Variants in RBM6 observed in about 807,000 individuals in gnomAD.
The protein encoded by RBM6 is RNA-binding protein 6.
Under a neutral mutation model 140.4 loss-of-function variants are expected in RBM6, and 23 were observed. That is an observed-to-expected ratio of 0.16 (90% CI 0.12 to 0.23). RBM6 has a LOEUF of 0.23. Among genes scored for constraint, RBM6 ranks in the 10% least tolerant of loss-of-function variants. RBM6 has a pLI of 1.00. For missense variants in RBM6, 1,139 were observed against 1,386.7 expected (o/e 0.82, Z 2.84); for synonymous variants, 439 against 475.6 (o/e 0.92, Z 1.00).
At chr3:50,039,899 T>C (rs888420830) in intron 6 of RBM6, among the ~76,000 whole-genome samples, 6 of 152,204 alleles carry the variant, frequency 3.9e-5, no homozygotes, top group Admixed American at 3.9e-4. Context: ...CTCTTTGTTT[T>C]TGCCGCAAAT....
chr3:50,066,831 A>AAAAAC (rs60655677), intron 17 of RBM6, among the ~76,000 whole-genome samples: 74 of 149,710 alleles, frequency 4.9e-4, no homozygotes, highest in African/African-American at 1.3e-3. Context: ...CCATCTCTTA[A>AAAAAC]AAAACAAAAC....
At chr3:50,038,676 A>C (rs757732869) in intron 6 of RBM6, among the ~76,000 whole-genome samples, 15 of 151,912 alleles carry the variant, frequency 9.9e-5, no homozygotes, top group Non-Finnish European at 2.2e-4. Context: ...CTAAAAATAC[A>C]AAAAAAATCA....
intron 1 of RBM6, among the ~76,000 whole-genome samples, chr3:49,944,618 G>A: frequency 6.6e-6 from 1 of 151,254 alleles, no homozygotes; most frequent in East Asian, 2.0e-4. Context: ...TGGGATTACA[G>A]ATGTGCGCCA....
rs762254968 is a variant in RBM6, at chr3:49,968,344, G to A, written c.919G>A (p.Gly307Ser). 2 of 1,614,000 alleles carry A rather than the reference G, an allele frequency of 1.2e-6. No individual in the cohort carries two copies. The highest frequency in any genetic ancestry group is 1.7e-6 in the Non-Finnish European group (2 of 1,180,022). ...CTCTACACAAGATAGAGAACATTCT[G>A]GTATGAATGTGAACAGGAGAGAAGA... ...QPSTQDREHSGMNVNRREEST... is the reference protein window; with the variant it reads ...QPSTQDREHSSMNVNRREEST... Residue 307 changes from glycine to serine, a missense_variant, in exon 3 of 21, where the codon GGT (glycine) becomes AGT (serine). By Grantham distance (56) the Gly-to-Ser change is moderately conservative. Coordinates refer to ENST00000266022, the MANE Select transcript of RBM6 (RefSeq NM_005777.3).
intron 1 of RBM6, among the ~76,000 whole-genome samples, chr3:49,945,881 CAAAAAAA>C (rs67271820): frequency 0.38 from 23,045 of 60,922 alleles, 1,936 homozygotes; most frequent in Middle Eastern, 0.41. Context: ...GACTCCATCT[CAAAAAAA>C]AAAAAAAAAA....
At chr3:49,998,699 A>G (rs1456252608) in intron 5 of RBM6, among the ~76,000 whole-genome samples, 1 of 152,164 alleles carries the variant, frequency 6.6e-6, no homozygotes, top group Non-Finnish European at 1.5e-5. Context: ...ACATGTATTG[A>G]TTGCTAACAA....
intron 6 of RBM6, among the ~76,000 whole-genome samples, chr3:50,039,770 G>C (rs2088771017): frequency 6.6e-6 from 1 of 152,192 alleles, no homozygotes; most frequent in African/African-American, 2.4e-5. Context: ...GGAATTTGTT[G>C]AATGCCCTGT....
intron 19 of RBM6, among the ~76,000 whole-genome samples, chr3:50,073,805 TTAA>T (rs1234767289): frequency 2.0e-5 from 3 of 152,056 alleles, no homozygotes; most frequent in Non-Finnish European, 2.9e-5. Flanking sequence ...ATGATTTAGC[TTAA>T]TAAGTTCAAG....
In RBM6 at chr3:50,066,521, A is replaced by G. The variant is rs556508140; in HGVS notation, c.2943+19A>G. The G allele has an allele frequency of 3.0e-4, 489 of 1,605,424 alleles. 7 individuals carry two copies. The South Asian group carries it at 4.6e-3, about 15-fold the overall frequency. ...GCACAAGGTATTAGGGGAAGGAGCT[A>G]TGCCCTTTCAAACTGTTGACTCTTG... On this transcript the variant is annotated intron_variant, in intron 17 of 20. Transcript: ENST00000266022.
chr3:50,032,351 G>A (rs902052687), intron 6 of RBM6, among the ~76,000 whole-genome samples: 1 of 152,058 alleles, frequency 6.6e-6, no homozygotes, highest in Non-Finnish European at 1.5e-5. Flanking sequence ...GGGCGTGGTG[G>A]TGCGTGCCTG....
At chr3:49,944,880 T>A (rs185734727) in intron 1 of RBM6, among the ~76,000 whole-genome samples, 104 of 147,522 alleles carry the variant, frequency 7.0e-4, no homozygotes, top group East Asian at 1.2e-3. Context: ...AATTTTTTTT[T>A]AAATTTTTTT....
At position 50,062,006 on chromosome 3, in the gene RBM6, A is replaced by G; in HGVS notation, c.2484A>G (p.Glu828=). 1 of 1,614,118 alleles carries G rather than the reference A, an allele frequency of 6.2e-7. No homozygotes were observed. The highest frequency in any genetic ancestry group is 8.5e-7 in the Non-Finnish European group (1 of 1,179,988). ...AGGATCCTGGATTACCTGAGGAAGA[A>G]GAGATCAAGGAAAAAAAACCCACCA... The part of the protein sequence containing the change: ...VPQDPGLPEE[E]EIKEKKPTSQ... The change falls in exon 15 of 21, where the codon GAA becomes GAG. Residue 828 remains glutamate (E), a synonymous_variant. Transcript: ENST00000266022.
At chr3:50,058,606 A>C in intron 10 of RBM6, 44 bp downstream of exon 10, 3 of 1,529,018 alleles carry the variant, frequency 2.0e-6, no homozygotes, top group Non-Finnish European at 2.7e-6. Flanking sequence ...CAGATGGCTA[A>C]AGAACCTTCA....
At chr3:49,982,066 G>A (rs956442944) in intron 5 of RBM6, among the ~76,000 whole-genome samples, 2 of 152,116 alleles carry the variant, frequency 1.3e-5, no homozygotes, top group African/African-American at 2.4e-5. Context: ...GTAGGAAGAA[G>A]CAATATCTTG....
rs200260511 is a variant in RBM6, at chr3:49,951,717, A to ATTT, written c.-66-10854_-66-10852dup. On this transcript the variant is annotated intron_variant, in intron 1 of 20. Transcript: ENST00000266022. The stretch of plus-strand genomic sequence containing the variant: ...TCCAGTTATTATTATTATTATTATT[A>ATTT]TTTTTTTGTTGTTCTGTTTTTTTGA... 4.0e-4 allele frequency among the ~76,000 whole-genome samples: 52 copies of ATTT among 131,628 alleles called. No homozygotes were observed. The East Asian group carries it at 0.01, about 26-fold the overall frequency. 86.4% of individuals were successfully genotyped at this position (131,628 alleles called of 152,430 possible). A position where few individuals can be genotyped will look rare whatever the true frequency, so the allele number is the denominator to read the frequency against.
intron 2 of RBM6, among the ~76,000 whole-genome samples, chr3:49,966,915 C>G (rs1575570112): frequency 1.3e-5 from 2 of 152,112 alleles, no homozygotes; most frequent in East Asian, 3.9e-4. Flanking sequence ...TGGTGATTTA[C>G]AACCAGTGTT....
At chr3:50,066,662 T>C (rs2090132804) in intron 17 of RBM6, among the ~76,000 whole-genome samples, 160 bp downstream of exon 17, 1 of 151,818 alleles carries the variant, frequency 6.6e-6, no homozygotes, top group African/African-American at 2.4e-5. Flanking sequence ...ACCCCCTTTG[T>C]ACTAAAATAC....
intron 5 of RBM6, among the ~76,000 whole-genome samples, chr3:49,984,611 A>ATCGCATCGCATCGCATCGCATCG (rs1559552690): frequency 2.3e-4 from 20 of 86,154 alleles, no homozygotes; most frequent in East Asian, 7.2e-4. Context: ...ACATCACATC[A>ATCGCATCGCATCGCATCGCATCG]CATCGCATCG....
At chr3:50,032,944 C>T (rs907710939) in intron 6 of RBM6, among the ~76,000 whole-genome samples, 1 of 151,636 alleles carries the variant, frequency 6.6e-6, no homozygotes, top group African/African-American at 2.4e-5. Context: ...GAGATCGTGC[C>T]ATTGCACTCC....
Sources: gnomAD v4.1 joint callset for allele counts (sites outside exome capture counted in the v4.1 genomes callset) on GRCh38, gnomAD v4.1.1 for gene constraint, MANE v1.5 for transcripts, NCBI Gene and HGNC (gene_info 2026-07-23, HGNC 2026-07-21) for gene names.